DNM1L: variants seen among roughly 807,000 people sequenced by gnomAD.
DNM1L encodes the protein dynamin-1-like protein.
In DNM1L, 33 loss-of-function variants were observed where a neutral mutation model predicts 92.8. The observed-to-expected ratio is 0.36, with a 90% CI of 0.27 to 0.48. The LOEUF is 0.48. Among genes scored for constraint, DNM1L ranks in the 20% least tolerant of loss-of-function variants. The probability of loss-of-function intolerance (pLI) is 0.99; values close to 1 mark genes in which losing one functional copy is unlikely to be tolerated. For synonymous variants in DNM1L, 284 were observed against 305.0 expected, an observed-to-expected ratio of 0.93 and a Z score of 0.72; for missense variants, 485 against 888.8, an observed-to-expected ratio of 0.55 and a Z score of 5.78.
At chr12:32,709,293 AT>A (rs1953038108) in intron 4 of DNM1L, among the ~76,000 whole-genome samples, 3 of 152,132 alleles carry the variant, frequency 2.0e-5, no homozygotes, top group Non-Finnish European at 4.4e-5. Flanking sequence ...TATCAGGGAT[AT>A]TTTTGGCTTT....
intron 1 of DNM1L, among the ~76,000 whole-genome samples, chr12:32,685,181 C>T (rs1446313740): frequency 6.6e-6 from 1 of 152,094 alleles, no homozygotes; most frequent in Admixed American, 6.5e-5. Flanking sequence ...TCGTGATCCA[C>T]CCGCCTCGGC....
intron 5 of DNM1L, among the ~76,000 whole-genome samples, chr12:32,712,115 G>A (rs571747455): frequency 5.3e-5 from 8 of 152,250 alleles, no homozygotes; most frequent in East Asian, 1.9e-4. Flanking sequence ...ATAATAGGTC[G>A]TCCTTGTGAT....
Position 32,743,801 on chromosome 12 carries a change from C to CAA in DNM1L, c.*392_*393dup, listed in dbSNP as rs1955478700. 4.3e-6 allele frequency: 1 copy of CAA among 234,476 alleles called. No individual in the cohort carries two copies. 14.5% of individuals were successfully genotyped at this position (234,476 alleles called of 1,614,324 possible). A position where few individuals can be genotyped will look rare whatever the true frequency, so the allele number is the denominator to read the frequency against. On this transcript the variant is annotated 3_prime_UTR_variant, in exon 20 of 20. Transcript: ENST00000549701. The stretch of plus-strand genomic sequence containing the variant: ...GTCCTCCAAGAAGAAAGCACCAAGA[C>CAA]AACATTTCATATGACTATAATGCAT...
At chr12:32,693,400 T>G (rs1452332797) in intron 1 of DNM1L, among the ~76,000 whole-genome samples, 1 of 152,226 alleles carries the variant, frequency 6.6e-6, no homozygotes, top group Non-Finnish European at 1.5e-5. Flanking sequence ...ATCACAAATG[T>G]TTTCCCTGAA....
chr12:32,702,419 G>T (rs1372566890), intron 2 of DNM1L, among the ~76,000 whole-genome samples: 1 of 151,948 alleles, frequency 6.6e-6, no homozygotes, highest in Admixed American at 6.6e-5. Flanking sequence ...TGAGAGTAAC[G>T]TATTTAATCT....
rs747838470 is a variant in DNM1L, at chr12:32,744,876, A to AGAT, written c.*1468_*1470dup. 2.6e-5 allele frequency: 13 copies of AGAT among 503,708 alleles called. No individual in the cohort carries two copies. In the East Asian group the frequency reaches 3.8e-4, roughly 15 times the overall value. The allele number at this position is 503,708 out of a possible 1,614,324, so 31.2% of individuals were successfully genotyped here. A position where few individuals can be genotyped will look rare whatever the true frequency, so the allele number is the denominator to read the frequency against. ...ATGAACGACTATATTATAAATTTTA[A>AGAT]GATGTACTTAGAAATCCTTAAGACA... On this transcript the variant is annotated 3_prime_UTR_variant, in exon 20 of 20. Transcript: ENST00000549701.
intron 6 of DNM1L, among the ~76,000 whole-genome samples, chr12:32,716,921 T>C (rs751931383): frequency 1.1e-3 from 162 of 146,294 alleles, no homozygotes; most frequent in East Asian, 1.8e-3. Context: ...CACCTAGGAA[T>C]GGGACTGCTA....
intron 19 of DNM1L, 116 bp from the exon 20 acceptor site, chr12:32,743,238 A>G: frequency 2.2e-6 from 2 of 902,018 alleles, no homozygotes; most frequent in Admixed American, 2.0e-5. Flanking sequence ...ATTGGTTAGT[A>G]TAAACTGGTT....
Position 32,713,258 on chromosome 12 carries a change from T to C in DNM1L, c.506T>C (p.Leu169Pro). 1 of 1,613,984 alleles carries C rather than the reference T, an allele frequency of 6.2e-7. No individual in the cohort carries two copies. Among genetic ancestry groups the C allele is most frequent in the Non-Finnish European group, 8.5e-7 (1 of 1,179,952 alleles). ...PKDIELQIRE[L>P]ILRFISNPNS... ...GATATTGAGCTTCAAATCAGAGAGC[T>C]CATTCTTCGGTTCATCAGTAATCCT... Residue 169 changes from leucine (L) to proline (P), a missense_variant, in exon 6 of 20, where the codon CTC becomes CCC. Physicochemically the swap from Leu to Pro is moderately conservative, Grantham distance 98. Transcript: ENST00000549701.
chr12:32,717,383 A>ATAGTAT (rs10692401), intron 6 of DNM1L, among the ~76,000 whole-genome samples: 2 of 86,524 alleles, frequency 2.3e-5, no homozygotes, highest in East Asian at 5.7e-4. Context: ...TACTATATAT[A>ATAGTAT]ATATATAGTA....
intron 7 of DNM1L, among the ~76,000 whole-genome samples, chr12:32,720,200 G>C (rs1592630993): frequency 6.6e-6 from 1 of 152,136 alleles, no homozygotes; most frequent in East Asian, 1.9e-4. Flanking sequence ...TCCTTTTTCA[G>C]GTAAGGAGGT....
intron 17 of DNM1L, 29 bp from the exon 18 acceptor site, chr12:32,740,380 A>AAT (rs1293276662): frequency 6.2e-7 from 1 of 1,610,590 alleles, no homozygotes; most frequent in African/African-American, 1.3e-5. Context: ...TCACAAAAGT[A>AAT]ATATTTTTTC....
chr12:32,715,501 G>A (rs535869987), intron 6 of DNM1L, among the ~76,000 whole-genome samples: 2 of 152,200 alleles, frequency 1.3e-5, no homozygotes, highest in South Asian at 4.1e-4. Context: ...GGGAGGCTGA[G>A]GTGAGCGGAT....
rs1254620350 is a variant in DNM1L, at chr12:32,717,585, G to GAT, written c.620-1048_620-1047dup. Among the ~76,000 whole-genome samples the GAT allele has an allele frequency of 1.1e-4, 12 of 111,794 alleles. 1 individual carries two copies. The highest frequency in any genetic ancestry group is 5.2e-4 in the Admixed American group (4 of 7,630). The allele number at this position is 111,794 out of a possible 152,430, so 73.3% of individuals were successfully genotyped here. On this transcript the variant is annotated intron_variant, in intron 6 of 19. Coordinates refer to ENST00000549701, the MANE Select transcript of DNM1L (RefSeq NM_012062.5). ...AGTTACAAATATATATACCTAGGTA[G>GAT]ATATATATATAAAAAATACATATAC...
At chr12:32,738,331 C>A (rs571929303) in intron 16 of DNM1L, 35 bp downstream of exon 16, 14 of 1,612,134 alleles carry the variant, frequency 8.7e-6, no homozygotes, top group Admixed American at 1.7e-5. Flanking sequence ...AATGTTGGTA[C>A]CTTTGGTTCT....
intron 7 of DNM1L, among the ~76,000 whole-genome samples, chr12:32,719,897 C>T (rs996976667): frequency 5.9e-5 from 9 of 152,102 alleles, no homozygotes; most frequent in African/African-American, 2.2e-4. Flanking sequence ...GAGCTGGATT[C>T]GGATGAATAT....
intron 1 of DNM1L, among the ~76,000 whole-genome samples, chr12:32,689,811 C>A (rs1952164936): frequency 6.6e-6 from 1 of 152,178 alleles, no homozygotes; most frequent in African/African-American, 2.4e-5. Flanking sequence ...GAAAATACAA[C>A]AAAACCTTTT....
chr12:32,739,890 G>T, intron 16 of DNM1L, 174 bp from the exon 17 acceptor site: 1 of 744,656 alleles, frequency 1.3e-6, no homozygotes, highest in Non-Finnish European at 2.2e-6. Flanking sequence ...ATTTAGATAG[G>T]TCAGGGTTCC....
intron 19 of DNM1L, 143 bp downstream of exon 19, chr12:32,742,891 T>A: frequency 1.1e-4 from 38 of 346,898 alleles, no homozygotes; most frequent in Middle Eastern, 1.2e-3. Flanking sequence ...TAAGAATCTT[T>A]TTTTTTTTTT....
Sources: allele counts gnomAD v4.1 joint callset (sites outside exome capture counted in the v4.1 genomes callset), GRCh38; gene constraint gnomAD v4.1.1; transcripts MANE v1.5; gene names NCBI Gene and HGNC (gene_info 2026-07-23, HGNC 2026-07-21).